ZFP57: variants seen among roughly 807,000 people sequenced by gnomAD.
ZFP57 encodes ZFP57 zinc finger protein, also known as zinc finger protein 57 homolog.
In ZFP57, 12 loss-of-function variants were observed where a neutral mutation model predicts 15.8. That is an observed-to-expected ratio of 0.76 (90% confidence interval 0.49 to 1.23). ZFP57 has a LOEUF of 1.23. Ranked by LOEUF, ZFP57 falls within the 50% of genes most tolerant of loss-of-function variation. ZFP57 has a pLI of 0.00. For missense variants in ZFP57, 536 were observed against 654.9 expected (o/e 0.82, Z 1.98); for synonymous variants, 203 against 242.3 (o/e 0.84, Z 1.51).
At position 29,677,123 on chromosome 6, in the gene ZFP57, C is replaced by G. The variant is rs1413354854; in HGVS notation, c.-120G>C. 3 of 1,436,196 alleles carry G rather than the reference C, an allele frequency of 2.1e-6. No homozygotes were observed. Among genetic ancestry groups the G allele is most frequent in the Non-Finnish European group, 2.9e-6 (3 of 1,027,628 alleles). The allele number at this position is 1,436,196 out of a possible 1,614,324, so 89.0% of individuals were successfully genotyped here. A position where few individuals can be genotyped will look rare whatever the true frequency, so the allele number is the denominator to read the frequency against. On this transcript the variant is annotated 5_prime_UTR_variant, in exon 2 of 5. Coordinates refer to ENST00000376883, the MANE Select transcript of ZFP57 (RefSeq NM_001109809.5). ...TAACTGGGCAGATGGAGAGGCCCAG[C>G]AAAGGCCCCAGGGTTTGATGTGGCT...
In ZFP57 at chr6:29,672,938, C is replaced by T; in HGVS notation, c.1173G>A (p.Leu391=). The T allele has an allele frequency of 6.2e-7, 1 of 1,612,990 alleles. No individual in the cohort carries two copies. The highest frequency in any genetic ancestry group is 8.5e-7 in the Non-Finnish European group (1 of 1,180,026). Residue 391 remains leucine (L), a synonymous_variant, in exon 5 of 5, where the codon TTG becomes TTA. Transcript: ENST00000376883. ...AGAGATAGGATTTCTTGCTAAAAGTCAAAGAACAATGGGGGCAACAGAAGA... is the reference window on the plus strand; with the variant it reads ...AGAGATAGGATTTCTTGCTAAAAGTTAAAGAACAATGGGGGCAACAGAAGA... ...LNVFCCPHCS[L]TFSKKSYLSR... is the part of the protein sequence containing the mutation.
chr6:29,675,236 A>G, intron 4 of ZFP57, 150 bp downstream of exon 4: 1 of 704,140 alleles, frequency 1.4e-6, no homozygotes, highest in Non-Finnish European at 2.6e-6. Context: ...CTATGATATT[A>G]AGCTCTCTTT....
At position 29,672,600 on chromosome 6, in the gene ZFP57, G is replaced by C; in HGVS notation, c.1511C>G (p.Ser504Cys). ...GEEWKHGGDQ[S>C]PPRIHTPRRR... The stretch of plus-strand genomic sequence containing the variant: ...CCTGGGGGTATGGATCCTGGGGGGA[G>C]ATTGATCACCTCCATGCTTCCATTC... Residue 504 changes from serine to cysteine, a missense_variant, in exon 5 of 5, where the codon TCT becomes TGT. Ser to Cys is a moderately radical substitution (Grantham distance 112, BLOSUM62 -1). Transcript: ENST00000376883. 6.2e-7 allele frequency: 1 copy of C among 1,612,238 alleles called. No individual in the cohort carries two copies. The highest frequency in any genetic ancestry group is 8.5e-7 in the Non-Finnish European group (1 of 1,179,428).
chr6:29,674,537 C>G (rs1422200030), intron 4 of ZFP57, among the ~76,000 whole-genome samples: 1 of 152,154 alleles, frequency 6.6e-6, no homozygotes, highest in Non-Finnish European at 1.5e-5. Flanking sequence ...TCCACAGACA[C>G]CCACATAATA....
chr6:29,679,655 G>A (rs1772236923), intron 1 of ZFP57, among the ~76,000 whole-genome samples: 1 of 152,174 alleles, frequency 6.6e-6, no homozygotes, highest in Non-Finnish European at 1.5e-5. Flanking sequence ...TGGGGAGGCC[G>A]AGGCGGGCGG....
chr6:29,672,823 G>A lies in ZFP57; in HGVS notation c.1288C>T (p.His430Tyr), dbSNP rs1771766957. The A allele has an allele frequency of 6.2e-7, 1 of 1,613,106 alleles. No individual in the cohort carries two copies. Among genetic ancestry groups the A allele is most frequent in the Non-Finnish European group, 8.5e-7 (1 of 1,180,036 alleles). The change falls in exon 5 of 5, where the codon CAC (histidine) becomes TAC (tyrosine). Residue 430 changes from histidine (H) to tyrosine (Y), a missense_variant. Physicochemically the swap from His to Tyr is moderately conservative, Grantham distance 83. Coordinates refer to ENST00000376883, the MANE Select transcript of ZFP57 (RefSeq NM_001109809.5). Reference protein sequence around the residue: ...SFSSFSRLVRHQQTHWKQKSY... With the variant: ...SFSSFSRLVRYQQTHWKQKSY... ...TTCTGCTTCCAGTGGGTCTGCTGGT[G>A]TCTGACCAGCCTGGAAAATGAGCTG...
At chr6:29,677,700 A>G (rs1449733809) in intron 1 of ZFP57, among the ~76,000 whole-genome samples, 1 of 151,694 alleles carries the variant, frequency 6.6e-6, no homozygotes, top group Non-Finnish European at 1.5e-5. Context: ...ATTCTTTCTG[A>G]CTTGGTTTCA....
chr6:29,673,515 G>C lies in ZFP57; in HGVS notation c.596C>G (p.Pro199Arg). 1.2e-6 allele frequency: 2 copies of C among 1,613,070 alleles called. No individual in the cohort carries two copies. The highest frequency in any genetic ancestry group is 1.7e-6 in the Non-Finnish European group (2 of 1,180,032). The change falls in exon 5 of 5, where the codon CCC becomes CGC. Residue 199 changes from proline to arginine, a missense_variant. By Grantham distance (103) the Pro-to-Arg change is moderately radical (BLOSUM62 -2). Transcript: ENST00000376883. This position sits in a 1 kb window ranked among gnomAD's most constrained non-coding sequence, Gnocchi z 4.7. Reference sequence around the variant, plus strand: ...CTGACTGCAGCTGTTAGTCAGCTTGGGATTGTGAACAAACTGGTGGCTATA... The same window carrying C: ...CTGACTGCAGCTGTTAGTCAGCTTGCGATTGTGAACAAACTGGTGGCTATA... ...YLYSHQFVHN[P>R]KLTNSCSQCG...
intron 2 of ZFP57, 105 bp downstream of exon 2, chr6:29,676,776 T>C (rs1772098346): frequency 4.1e-6 from 6 of 1,480,504 alleles, no homozygotes; most frequent in Middle Eastern, 1.7e-4. Flanking sequence ...TCGTTCAGTC[T>C]GGAACAATCT....
rs1269341773 is a variant in ZFP57 at position 29,672,497 on chromosome 6, CATTT to C, written c.1610_*2del. On this transcript the variant is annotated stop_lost and 3_prime_UTR_variant, in exon 5 of 5. Coordinates refer to ENST00000376883, the MANE Select transcript of ZFP57 (RefSeq NM_001109809.5). The stretch of plus-strand genomic sequence containing the variant: ...AAAGAAAGAGCTCAGTCAGAAAGGC[CATTT>C]ATTTATGTTTCAAGATGCTCACTGC... 1 of 1,612,844 alleles carries C rather than the reference CATTT, an allele frequency of 6.2e-7. No homozygotes were observed. Among genetic ancestry groups the C allele is most frequent in the Non-Finnish European group, 8.5e-7 (1 of 1,179,994 alleles).
Position 29,673,106 on chromosome 6 carries a change from T to C in ZFP57, c.1005A>G (p.Arg335=), listed in dbSNP as rs1292220386. 5.0e-6 allele frequency: 8 copies of C among 1,612,956 alleles called. No homozygotes were observed. The highest frequency in any genetic ancestry group is 6.8e-6 in the Non-Finnish European group (8 of 1,180,016). ...GGTTCTGGGCCATAGGACCCTCAGT[T>C]CTAAATATGGGTTCCTGGGACCTGG... The part of the protein sequence containing the change: ...PVARSQEPIF[R]TEGPMAQNQA... The change falls in exon 5 of 5, where the codon AGA becomes AGG. Residue 335 remains arginine, a synonymous_variant. Coordinates refer to ENST00000376883, the MANE Select transcript of ZFP57 (RefSeq NM_001109809.5). The surrounding 1 kb of genome is among the most constrained non-coding windows in gnomAD (Gnocchi z 4.7).
intron 4 of ZFP57, among the ~76,000 whole-genome samples, chr6:29,675,117 C>T (rs1338688596): frequency 5.6e-5 from 8 of 142,020 alleles, no homozygotes; most frequent in Non-Finnish European, 4.5e-5. Flanking sequence ...TGTGCCACTG[C>T]ACTCCAGCCT....
At position 29,676,876 on chromosome 6, in the gene ZFP57, C is replaced by T. The variant is rs1434348762; in HGVS notation, c.123+5G>A. The T allele has an allele frequency of 1.4e-5, 23 of 1,614,078 alleles. No homozygotes were observed. The highest frequency in any genetic ancestry group is 7.6e-6 in the Non-Finnish European group (9 of 1,179,998). On this transcript the variant is annotated splice_donor_5th_base_variant and intron_variant, in intron 2 of 4. Transcript: ENST00000376883. ...CCCCACCTCTCTCTAGCTTAGTCTC[C>T]TCACCTTCTTCACCCGTGCCTCCCT...
intron 1 of ZFP57, among the ~76,000 whole-genome samples, chr6:29,677,617 G>A (rs971004330): frequency 6.6e-6 from 1 of 152,218 alleles, no homozygotes; most frequent in African/African-American, 2.4e-5. Context: ...GTTAGACTCA[G>A]TACCATTGGA....
At chr6:29,672,408 G>A (rs1413354788), downstream of ZFP57, 22 of 1,394,976 alleles carry the variant, frequency 1.6e-5, no homozygotes, top group African/African-American at 1.1e-4. Flanking sequence ...CCTTATCCAC[G>A]CACCTGTCTC....
intron 1 of ZFP57, 54 bp downstream of exon 1, chr6:29,681,008 C>T (rs416560): frequency 0.053 from 8,040 of 152,316 alleles, 428 homozygotes; most frequent in African/African-American, 0.14. Context: ...GGGACAACAT[C>T]CAACATCAGC....
chr6:29,672,833 C>T lies in ZFP57; in HGVS notation c.1278G>A (p.Arg426=), dbSNP rs776825648. The change falls in exon 5 of 5, where the codon AGG becomes AGA. Residue 426 remains arginine (R), a synonymous_variant. Coordinates refer to ENST00000376883, the MANE Select transcript of ZFP57 (RefSeq NM_001109809.5). ...HCSKSFSSFS[R]LVRHQQTHWK... ...AGTGGGTCTGCTGGTGTCTGACCAG[C>T]CTGGAAAATGAGCTGAAAGACTTGC... The T allele has an allele frequency of 6.2e-7, 1 of 1,613,054 alleles. No homozygotes were observed. Among genetic ancestry groups the T allele is most frequent in the South Asian group, 1.1e-5 (1 of 91,084 alleles).
At chr6:29,674,549 T>C (rs1771974439) in intron 4 of ZFP57, among the ~76,000 whole-genome samples, 1 of 152,132 alleles carries the variant, frequency 6.6e-6, no homozygotes, top group South Asian at 2.1e-4. Flanking sequence ...CACATAATAA[T>C]GCATCATGAA....
chr6:29,673,640 A>G lies in ZFP57; in HGVS notation c.471T>C (p.Ala157=). The G allele has an allele frequency of 6.2e-7, 1 of 1,612,864 alleles. No individual in the cohort carries two copies. The highest frequency in any genetic ancestry group is 8.5e-7 in the Non-Finnish European group (1 of 1,179,902). Residue 157 remains alanine, a synonymous_variant, in exon 5 of 5, where the codon GCT becomes GCC. Transcript: ENST00000376883. This position sits in a 1 kb window ranked among gnomAD's most constrained non-coding sequence, Gnocchi z 4.7. The stretch of plus-strand genomic sequence containing the variant: ...GCACCCGGGTCCTGTCCATAGTCCC[A>G]GCTGGGGCAGATAGGGGGCACTGGC... ...GAGQCPLSAP[A]GTMDRTRVLQ...
Sources: gnomAD v4.1 joint callset for allele counts (sites outside exome capture counted in the v4.1 genomes callset) on GRCh38, gnomAD v4.1.1 for gene constraint, Gnocchi (gnomAD v3.1) non-coding constraint, MANE v1.5 for transcripts, NCBI Gene and HGNC (gene_info 2026-07-23, HGNC 2026-07-21) for gene names.